TMTC2: variants seen among roughly 807,000 people sequenced by gnomAD.
TMTC2 encodes the protein protein O-mannosyl-transferase TMTC2.
TMTC2 carries 43 observed loss-of-function variants against 82.4 expected under a neutral mutation model. That is an observed-to-expected ratio of 0.52 (90% CI 0.41 to 0.67). TMTC2 has a LOEUF of 0.67. TMTC2 is among the 30% of genes least tolerant of loss of function. The probability of loss-of-function intolerance (pLI) is 0.00; values close to 1 mark genes in which losing one functional copy is unlikely to be tolerated. For synonymous variants in TMTC2, 408 were observed against 381.9 expected (o/e 1.07, Z -0.80); for missense variants, 919 against 1,012.4 (o/e 0.91, Z 1.25).
intron 1 of TMTC2, among the ~76,000 whole-genome samples, chr12:82,693,286 G>A (rs1388960064): frequency 1.3e-5 from 2 of 152,016 alleles, no homozygotes; most frequent in Non-Finnish European, 2.9e-5. Flanking sequence ...AACTTTCATT[G>A]GGAGTCTGTT....
Position 83,010,024 on chromosome 12 carries a change from G to A in TMTC2, c.2071-20774G>A, listed in dbSNP as rs553567866. Among the ~76,000 whole-genome samples, 3 of 152,186 alleles carry A rather than the reference G, an allele frequency of 2.0e-5. No individual in the cohort carries two copies. In the East Asian group the frequency reaches 5.8e-4, roughly 30 times the overall value. ...AGTGATGGGGAGCAGCTGTAAATAC[G>A]GATGAAGTTTCGCTCATTCACACAC... On this transcript the variant is annotated intron_variant, in intron 8 of 11. Transcript: ENST00000321196.
At position 83,132,672 on chromosome 12, in the gene TMTC2, G is replaced by T. The variant is rs1046517988; in HGVS notation, c.*283G>T. ...CCTTTTGGCATTCTTAAAAAGGGAG[G>T]GGTGGGTGTGTAAGTCACAGATTTT... On this transcript the variant is annotated 3_prime_UTR_variant, in exon 12 of 12. Coordinates refer to ENST00000321196, the MANE Select transcript of TMTC2 (RefSeq NM_152588.3). 3.0e-5 allele frequency: 10 copies of T among 338,304 alleles called. No homozygotes were observed. The highest frequency in any genetic ancestry group is 5.3e-5 in the Non-Finnish European group (10 of 189,082). 21.0% of individuals were successfully genotyped at this position (338,304 alleles called of 1,614,324 possible).
At chr12:83,035,144 T>C (rs538397982) in intron 9 of TMTC2, among the ~76,000 whole-genome samples, 11 of 152,332 alleles carry the variant, frequency 7.2e-5, no homozygotes, top group African/African-American at 2.6e-4. Flanking sequence ...TCCAAGTGAC[T>C]TGGAAAATAC....
chr12:82,882,031 T>G (rs1703089), intron 2 of TMTC2, among the ~76,000 whole-genome samples: 12,160 of 130,812 alleles, frequency 0.093, 2,024 homozygotes, highest in African/African-American at 0.37. Context: ...ACGGAGTCTC[T>G]CTCTGTCGCC....
intron 1 of TMTC2, among the ~76,000 whole-genome samples, chr12:82,741,814 C>T (rs1875422983): frequency 6.6e-6 from 1 of 152,128 alleles, no homozygotes; most frequent in Admixed American, 6.5e-5. Context: ...GGAAGTGGGA[C>T]ACTGGGTAGT....
At chr12:82,734,963 G>T (rs1233364932) in intron 1 of TMTC2, among the ~76,000 whole-genome samples, 1 of 152,184 alleles carries the variant, frequency 6.6e-6, no homozygotes, top group Non-Finnish European at 1.5e-5. Context: ...AGTTAATAGA[G>T]TTTGTATCAA....
intron 1 of TMTC2, among the ~76,000 whole-genome samples, chr12:82,847,782 C>G (rs1035949462): frequency 6.6e-6 from 1 of 151,224 alleles, no homozygotes; most frequent in Non-Finnish European, 1.5e-5. Context: ...ACATTACACA[C>G]GGGGGCCTGT....
At chr12:83,116,636 A>G (rs956588397) in intron 11 of TMTC2, among the ~76,000 whole-genome samples, 1 of 152,306 alleles carries the variant, frequency 6.6e-6, no homozygotes, top group South Asian at 2.1e-4. Context: ...TTCTTGCAAG[A>G]GTAAGGTGGT....
intron 1 of TMTC2, among the ~76,000 whole-genome samples, chr12:82,843,895 C>T (rs1468950070): frequency 6.6e-6 from 1 of 152,142 alleles, no homozygotes; most frequent in Non-Finnish European, 1.5e-5. Context: ...ATGCAGTGAG[C>T]CATGATCACA....
At chr12:82,913,974 G>GA (rs370101264) in intron 3 of TMTC2, among the ~76,000 whole-genome samples, 4,572 of 149,798 alleles carry the variant, frequency 0.031, 101 homozygotes, top group Non-Finnish European at 0.048. Flanking sequence ...GTGTTTGGTT[G>GA]AAAAAAAAAA....
chr12:83,034,400 A>T (rs1451613958), intron 9 of TMTC2, among the ~76,000 whole-genome samples: 8 of 152,214 alleles, frequency 5.3e-5, no homozygotes. Flanking sequence ...ATCCCATCGA[A>T]CTAGGTAGGA....
At chr12:83,084,214 A>G (rs1883569463) in intron 11 of TMTC2, among the ~76,000 whole-genome samples, 1 of 152,236 alleles carries the variant, frequency 6.6e-6, no homozygotes. Context: ...AACACATGTA[A>G]TGGAATACAT....
At chr12:82,916,239 G>A (rs146007885) in intron 3 of TMTC2, among the ~76,000 whole-genome samples, 52 of 152,234 alleles carry the variant, frequency 3.4e-4, no homozygotes, top group African/African-American at 1.1e-3. Context: ...AGTGTGATAG[G>A]CAAAATAGGT....
chr12:82,833,186 T>G (rs1265156774), intron 1 of TMTC2, among the ~76,000 whole-genome samples: 1 of 152,234 alleles, frequency 6.6e-6, no homozygotes, highest in Non-Finnish European at 1.5e-5. Flanking sequence ...AAGTTGTTTA[T>G]TTTTTAAGGT....
intron 2 of TMTC2, among the ~76,000 whole-genome samples, chr12:82,885,085 T>G (rs1397325951): frequency 6.7e-6 from 1 of 148,766 alleles, no homozygotes; most frequent in African/African-American, 2.5e-5. Flanking sequence ...TTTTTTTTTG[T>G]AGAGATGGGC....
chr12:82,972,497 T>G (rs1878493970), intron 7 of TMTC2, among the ~76,000 whole-genome samples: 1 of 152,164 alleles, frequency 6.6e-6, no homozygotes. Flanking sequence ...TTCCCAAGTT[T>G]ATTGGGCTGT....
rs981269747 is a variant in TMTC2, at chr12:82,840,525, A to C, written c.84-16485A>C. 2.8e-4 allele frequency among the ~76,000 whole-genome samples: 42 copies of C among 152,172 alleles called. 1 individual carries two copies. Among genetic ancestry groups the C allele is most frequent in the Admixed American group, 2.2e-3 (34 of 15,282 alleles). On this transcript the variant is annotated intron_variant, in intron 1 of 11. Coordinates refer to ENST00000321196, the MANE Select transcript of TMTC2 (RefSeq NM_152588.3). ...TAGCACGGTTACTTGTACATAGAAA[A>C]AATATTATTTTATTGGCAGTGGCCA...
At chr12:82,989,915 T>G (rs1248879453) in intron 8 of TMTC2, among the ~76,000 whole-genome samples, 1 of 152,140 alleles carries the variant, frequency 6.6e-6, no homozygotes, top group Non-Finnish European at 1.5e-5. Flanking sequence ...TGGAATGGCT[T>G]AAACTCACAG....
rs577050097 is a variant in TMTC2 at position 82,701,141 on chromosome 12, T to G, written c.83+13472T>G. 9.2e-5 allele frequency among the ~76,000 whole-genome samples: 14 copies of G among 152,284 alleles called. No homozygotes were observed. In the East Asian group the frequency reaches 2.5e-3, roughly 27 times the overall value. ...CACAGTCATACCATATGAGAGTATA[T>G]GCAAAGTTATGATTTTTTACCGTAT... On this transcript the variant is annotated intron_variant, in intron 1 of 11. Coordinates refer to ENST00000321196, the MANE Select transcript of TMTC2 (RefSeq NM_152588.3).
Sources: gnomAD v4.1 joint callset for allele counts (sites outside exome capture counted in the v4.1 genomes callset) on GRCh38, gnomAD v4.1.1 for gene constraint, MANE v1.5 for transcripts, NCBI Gene and HGNC (gene_info 2026-07-23, HGNC 2026-07-21) for gene names.